THSD7B: variants seen among roughly 807,000 people sequenced by gnomAD.
The protein encoded by THSD7B is thrombospondin type-1 domain-containing protein 7B.
THSD7B carries 138 observed loss-of-function variants against 213.6 expected under a neutral mutation model. The observed-to-expected ratio is 0.65, with a 90% confidence interval of 0.56 to 0.74. THSD7B has a LOEUF of 0.74. Ranked by LOEUF, THSD7B falls within the 30% of genes least tolerant of loss-of-function variation. THSD7B has a pLI of 0.00. For missense variants in THSD7B, 1,931 were observed against 1,991.5 expected (o/e 0.97, Z 0.58); for synonymous variants, 742 against 687.0 (o/e 1.08, Z -1.25).
chr2:137,482,186 C>T lies in THSD7B; in HGVS notation c.3138+31163C>T, dbSNP rs76323234. Among the ~76,000 whole-genome samples the T allele has an allele frequency of 6.5e-3, 216 of 33,046 alleles. 1 individual carries two copies. Among genetic ancestry groups the T allele is most frequent in the Non-Finnish European group, 0.012 (169 of 14,472 alleles). 21.7% of individuals were successfully genotyped at this position (33,046 alleles called of 152,430 possible). A position where few individuals can be genotyped will look rare whatever the true frequency, so the allele number is the denominator to read the frequency against. On this transcript the variant is annotated intron_variant, in intron 15 of 27. Coordinates refer to ENST00000409968, the MANE Select transcript of THSD7B (RefSeq NM_001316349.2). ...CAGAGCAAGACTCCGGCCCTCCCCA[C>T]CAAAAAAAAAAAAAAAAGGGTTTAG...
At chr2:137,620,786 G>A in intron 20 of THSD7B, 60 bp downstream of exon 20, 1 of 1,371,404 alleles carries the variant, frequency 7.3e-7, no homozygotes, top group Non-Finnish European at 1.0e-6. Flanking sequence ...CATTCAGTAT[G>A]CCATAGCTTG....
At chr2:137,564,228 T>A (rs1176782274) in intron 16 of THSD7B, among the ~76,000 whole-genome samples, 1 of 152,202 alleles carries the variant, frequency 6.6e-6, no homozygotes, top group East Asian at 1.9e-4. Context: ...CTGTTGAAAG[T>A]CAGTTGCAAG....
intron 12 of THSD7B, among the ~76,000 whole-genome samples, chr2:137,389,402 ATTTTTTT>A (rs70978214): frequency 5.3e-5 from 2 of 38,078 alleles, no homozygotes; most frequent in Admixed American, 4.4e-4. Context: ...TCTTAATGTG[ATTTTTTT>A]TTTTTTTTTT....
intron 7 of THSD7B, among the ~76,000 whole-genome samples, chr2:137,226,299 T>G (rs1288437075): frequency 6.6e-6 from 1 of 151,788 alleles, no homozygotes; most frequent in Non-Finnish European, 1.5e-5. Context: ...AAAATGTTGG[T>G]CTACTTTTCA....
At chr2:137,064,390 A>T (rs772569000) in intron 3 of THSD7B, among the ~76,000 whole-genome samples, 3 of 151,860 alleles carry the variant, frequency 2.0e-5, no homozygotes, top group Non-Finnish European at 4.4e-5. Context: ...TGAGCTTCTT[A>T]TGTAATCTGG....
chr2:137,162,811 G>T (rs1314195364), intron 6 of THSD7B, among the ~76,000 whole-genome samples: 2 of 151,050 alleles, frequency 1.3e-5, no homozygotes, highest in Non-Finnish European at 2.9e-5. Flanking sequence ...CCAGGCTGGA[G>T]TGCAATGGCG....
intron 2 of THSD7B, among the ~76,000 whole-genome samples, chr2:137,024,023 C>T (rs749396367): frequency 3.3e-5 from 5 of 151,764 alleles, no homozygotes; most frequent in African/African-American, 4.8e-5. Context: ...GAAGATGTTA[C>T]GGAAAAGGCC....
At chr2:137,003,025 A>T (rs1290827161) in intron 2 of THSD7B, among the ~76,000 whole-genome samples, 2 of 152,204 alleles carry the variant, frequency 1.3e-5, no homozygotes, top group Non-Finnish European at 2.9e-5. Flanking sequence ...CAAGGCTTTT[A>T]TCCAGTTGAC....
At chr2:137,160,066 C>A in intron 5 of THSD7B, 147 bp from the exon 6 acceptor site, 1 of 936,706 alleles carries the variant, frequency 1.1e-6, no homozygotes, top group Non-Finnish European at 1.5e-6. Context: ...CTAAACAACA[C>A]ATATTAGAAA....
intron 3 of THSD7B, among the ~76,000 whole-genome samples, chr2:137,082,324 C>T (rs975275883): frequency 1.3e-5 from 2 of 151,970 alleles, no homozygotes; most frequent in African/African-American, 2.4e-5. Flanking sequence ...TGTTCATGTT[C>T]TGTCTCTAGT....
At chr2:137,105,175 C>T (rs958421611) in intron 4 of THSD7B, among the ~76,000 whole-genome samples, 9 of 152,150 alleles carry the variant, frequency 5.9e-5, no homozygotes, top group African/African-American at 1.9e-4. Flanking sequence ...ACTGGCAAAT[C>T]GAATCCAGCA....
intron 15 of THSD7B, among the ~76,000 whole-genome samples, chr2:137,540,626 C>T (rs549030787): frequency 8.2e-4 from 124 of 151,820 alleles, no homozygotes; most frequent in Admixed American, 1.8e-3. Flanking sequence ...ACCCCACTCA[C>T]ACAGCTATCT....
chr2:136,910,351 C>A (rs549486842), intron 2 of THSD7B, among the ~76,000 whole-genome samples: 1 of 152,126 alleles, frequency 6.6e-6, no homozygotes, highest in East Asian at 1.9e-4. Flanking sequence ...GGTAGTGGAG[C>A]TTTTAGGAAT....
intron 2 of THSD7B, among the ~76,000 whole-genome samples, chr2:137,014,097 C>T (rs1686289167): frequency 6.6e-6 from 1 of 152,112 alleles, no homozygotes; most frequent in Non-Finnish European, 1.5e-5. Context: ...TTAATGTCAT[C>T]CTCTTTTGCT....
intron 2 of THSD7B, among the ~76,000 whole-genome samples, chr2:136,914,820 C>T (rs1684325295): frequency 1.3e-5 from 2 of 152,070 alleles, no homozygotes; most frequent in Non-Finnish European, 1.5e-5. Context: ...CGGACTAATA[C>T]ACTGCATCAT....
intron 1 of THSD7B, among the ~76,000 whole-genome samples, chr2:136,815,684 G>A (rs1441314197): frequency 1.3e-5 from 2 of 152,068 alleles, no homozygotes; most frequent in African/African-American, 4.8e-5. Context: ...ATAAATGTTG[G>A]TAAATGTCAT....
chr2:137,342,182 A>G lies in THSD7B; in HGVS notation c.2501-63431A>G, dbSNP rs142822100. 8.6e-3 allele frequency among the ~76,000 whole-genome samples: 1,298 copies of G among 151,610 alleles called. 15 individuals are homozygous for G. Among genetic ancestry groups the G allele is most frequent in the Non-Finnish European group, 8.6e-3 (582 of 67,628 alleles). ...GTATATTCTTGAATGTCTTTCATCA[A>G]TGTTTTATAGCTTTTTAGTGTACCG... On this transcript the variant is annotated intron_variant, in intron 12 of 27. Transcript: ENST00000409968.
At chr2:137,535,235 C>T (rs1254064260) in intron 15 of THSD7B, among the ~76,000 whole-genome samples, 1 of 151,450 alleles carries the variant, frequency 6.6e-6, no homozygotes, top group Non-Finnish European at 1.5e-5. Flanking sequence ...TTCACATTGA[C>T]ACACTTGGCT....
At chr2:137,192,211 T>C (rs191339788) in intron 7 of THSD7B, among the ~76,000 whole-genome samples, 169 of 152,282 alleles carry the variant, frequency 1.1e-3, no homozygotes, top group Admixed American at 0.01. Flanking sequence ...ACATAAATAA[T>C]ATACTAATAA....
Sources: gnomAD v4.1 joint callset for allele counts (sites outside exome capture counted in the v4.1 genomes callset) on GRCh38, gnomAD v4.1.1 for gene constraint, MANE v1.5 for transcripts, NCBI Gene and HGNC (gene_info 2026-07-23, HGNC 2026-07-21) for gene names.